The following SNX8 variants were observed in gnomAD, a reference collection of about 807,000 sequenced individuals.
The protein encoded by SNX8 is sorting nexin 8.
SNX8 carries 25 observed loss-of-function variants against 51.6 expected under a neutral mutation model. The observed-to-expected ratio is 0.48, with a 90% CI of 0.35 to 0.68. SNX8 has a LOEUF of 0.68. Among genes scored for constraint, SNX8 ranks in the 30% least tolerant of loss-of-function variants. SNX8 has a pLI of 0.00. For synonymous variants in SNX8, 324 were observed against 277.0 expected, an observed-to-expected ratio of 1.17 and a Z score of -1.68; for missense variants, 695 against 624.0, an observed-to-expected ratio of 1.11 and a Z score of -1.21.
chr7:2,319,422 G>A (rs995629379), upstream of SNX8, among the ~76,000 whole-genome samples: 5 of 152,224 alleles, frequency 3.3e-5, no homozygotes, highest in African/African-American at 1.2e-4. Context: ...CACTTTGGGA[G>A]GCAGAGGTGG....
intron 4 of SNX8, 52 bp from the exon 5 acceptor site, chr7:2,269,691 C>A: frequency 7.7e-7 from 1 of 1,291,346 alleles, no homozygotes; most frequent in Admixed American, 2.1e-5. Flanking sequence ...AGCAAGAAAG[C>A]TGCTGTGGGG....
intron 4 of SNX8, among the ~76,000 whole-genome samples, chr7:2,271,306 C>A (rs886610791): frequency 6.6e-6 from 1 of 152,242 alleles, no homozygotes; most frequent in African/African-American, 2.4e-5. Flanking sequence ...CCTCTCCGAG[C>A]GCTGGGATTA....
chr7:2,269,966 G>A (rs1291000787), intron 4 of SNX8, among the ~76,000 whole-genome samples: 6 of 151,966 alleles, frequency 3.9e-5, no homozygotes, highest in Admixed American at 6.6e-5. Flanking sequence ...GCAGAGAAAC[G>A]GCCCCTCCAT....
chr7:2,302,232 G>A (rs538593749), intron 1 of SNX8, among the ~76,000 whole-genome samples: 1 of 152,356 alleles, frequency 6.6e-6, no homozygotes, highest in East Asian at 1.9e-4. Context: ...CCTGCCGAGT[G>A]CCTGCGATTG....
chr7:2,258,478 C>A (rs182089478), intron 7 of SNX8, among the ~76,000 whole-genome samples: 1 of 152,262 alleles, frequency 6.6e-6, no homozygotes, highest in East Asian at 1.9e-4. Flanking sequence ...ACCCCCCGAC[C>A]CCTAAGGCTC....
At chr7:2,304,326 CGAG>C (rs1158319129) in intron 1 of SNX8, among the ~76,000 whole-genome samples, 35 of 151,562 alleles carry the variant, frequency 2.3e-4, no homozygotes, top group Non-Finnish European at 4.1e-4. Context: ...GGGCAGATCA[CGAG>C]GTCAGGAGAT....
intron 1 of SNX8, among the ~76,000 whole-genome samples, chr7:2,350,443 CG>C (rs1025592640): frequency 3.1e-4 from 47 of 152,264 alleles, no homozygotes; most frequent in Middle Eastern, 3.4e-3. Context: ...TATAATTTCA[CG>C]GAAACTATAA....
At chr7:2,338,306 C>A (rs911926664) in intron 1 of SNX8, among the ~76,000 whole-genome samples, 2 of 151,876 alleles carry the variant, frequency 1.3e-5, no homozygotes, top group African/African-American at 2.4e-5. Flanking sequence ...ACTAAAAATA[C>A]CAAAAATTAG....
intron 1 of SNX8, among the ~76,000 whole-genome samples, chr7:2,343,533 GGTGTGGTGGC>G (rs1778969813): frequency 1.3e-5 from 2 of 151,848 alleles, no homozygotes; most frequent in Admixed American, 6.6e-5. Flanking sequence ...AAATTAGCCG[GGTGTGGTGGC>G]GTGCACCTGT....
intron 1 of SNX8, among the ~76,000 whole-genome samples, chr7:2,295,194 AG>A (rs1031048275): frequency 6.6e-6 from 1 of 152,164 alleles, no homozygotes; most frequent in African/African-American, 2.4e-5. Flanking sequence ...ACTTGAGGTC[AG>A]GAGTTCGAGA....
At chr7:2,316,509 C>G (rs1357460379), upstream of SNX8, among the ~76,000 whole-genome samples, 1 of 138,472 alleles carries the variant, frequency 7.2e-6, no homozygotes, top group Non-Finnish European at 1.5e-5. Flanking sequence ...ATTCATTCAC[C>G]CACTCACTCA....
At chr7:2,298,732 C>T (rs1169571539) in intron 1 of SNX8, among the ~76,000 whole-genome samples, 4 of 151,756 alleles carry the variant, frequency 2.6e-5, no homozygotes, top group African/African-American at 4.9e-5. Flanking sequence ...TGCTCTGTCC[C>T]CCAGCCTGGA....
chr7:2,337,174 GC>G (rs1778846373), intron 1 of SNX8: 1 of 152,118 alleles, frequency 6.6e-6, no homozygotes, highest in Admixed American at 6.6e-5. Flanking sequence ...GTGCATTCCA[GC>G]CCGGTGTGAC....
At chr7:2,338,217 C>T (rs1778865129) in intron 1 of SNX8, among the ~76,000 whole-genome samples, 1 of 151,976 alleles carries the variant, frequency 6.6e-6, no homozygotes, top group Admixed American at 6.6e-5. Flanking sequence ...AATCCCAGCA[C>T]TTTGGGAGGC....
At chr7:2,329,468 C>T (rs1001626578) in intron 1 of SNX8, among the ~76,000 whole-genome samples, 3 of 152,146 alleles carry the variant, frequency 2.0e-5, no homozygotes, top group Non-Finnish European at 4.4e-5. Context: ...GGGCTCTTGG[C>T]TCCTAACTCC....
At chr7:2,308,958 T>C (rs1442023090) in intron 1 of SNX8, among the ~76,000 whole-genome samples, 1 of 151,874 alleles carries the variant, frequency 6.6e-6, no homozygotes, top group East Asian at 1.9e-4. Context: ...CCCAGCTAAT[T>C]ATTGGATTTT....
intron 1 of SNX8, among the ~76,000 whole-genome samples, chr7:2,306,320 C>T (rs566212827): frequency 1.2e-4 from 18 of 151,790 alleles, no homozygotes; most frequent in Admixed American, 3.3e-4. Context: ...TTAGTAGAGA[C>T]GGGGTTTCAC....
intron 10 of SNX8, 40 bp from the exon 11 acceptor site, chr7:2,255,209 C>T (rs553930308): frequency 2.3e-6 from 3 of 1,307,592 alleles, no homozygotes; most frequent in African/African-American, 2.9e-5. Flanking sequence ...GCAGGCGGGG[C>T]CGGGGCTCCT....
intron 1 of SNX8, chr7:2,288,514 C>T (rs1796083568): frequency 6.0e-6 from 1 of 166,548 alleles, no homozygotes; most frequent in Admixed American, 6.6e-5. Context: ...TCTCCCTTTC[C>T]CTACTCAAAG....
Sources: allele counts gnomAD v4.1 joint callset (sites outside exome capture counted in the v4.1 genomes callset), GRCh38; gene constraint gnomAD v4.1.1; transcripts MANE v1.5; gene names NCBI Gene and HGNC (gene_info 2026-07-23, HGNC 2026-07-21).